PAPPA2: variants seen among roughly 807,000 people sequenced by gnomAD.
PAPPA2 encodes the protein pappalysin 2.
Under a neutral mutation model 176.4 loss-of-function variants are expected in PAPPA2, and 86 were observed. The ratio of observed to expected loss-of-function variants is 0.49; its 90% confidence interval spans 0.41 to 0.58. The LOEUF is 0.58. Among genes scored for constraint, PAPPA2 ranks in the 20% least tolerant of loss-of-function variants. The pLI, the probability that PAPPA2 is intolerant of heterozygous loss-of-function variation, is 0.00. For missense variants in PAPPA2, 2,073 were observed against 2,256.9 expected (o/e 0.92, Z 1.65); for synonymous variants, 809 against 852.2 (o/e 0.95, Z 0.88).
chr1:176,534,606 T>C (rs1341909459), intron 1 of PAPPA2, among the ~76,000 whole-genome samples: 1 of 152,242 alleles, frequency 6.6e-6, no homozygotes, highest in Non-Finnish European at 1.5e-5. Flanking sequence ...TTAGGACTGC[T>C]AACTACAAGA....
chr1:176,840,813 G>A (rs1425747055), intron 22 of PAPPA2, among the ~76,000 whole-genome samples: 1 of 152,130 alleles, frequency 6.6e-6, no homozygotes, highest in Non-Finnish European at 1.5e-5. Flanking sequence ...CTCAAGCTAA[G>A]CCTTATAAAA....
intron 21 of PAPPA2, among the ~76,000 whole-genome samples, chr1:176,817,614 G>A (rs535382449): frequency 6.6e-6 from 1 of 152,044 alleles, no homozygotes; most frequent in East Asian, 1.9e-4. Flanking sequence ...ATCATTGAAA[G>A]CTTTTCTTTT....
chr1:176,743,744 A>G (rs1275696638), intron 14 of PAPPA2, among the ~76,000 whole-genome samples: 1 of 152,218 alleles, frequency 6.6e-6, no homozygotes, highest in African/African-American at 2.4e-5. Context: ...TACAAGGTCA[A>G]GATAGAAAAG....
intron 2 of PAPPA2, among the ~76,000 whole-genome samples, chr1:176,582,200 T>A (rs1004167053): frequency 6.6e-6 from 1 of 152,186 alleles, no homozygotes; most frequent in Non-Finnish European, 1.5e-5. Flanking sequence ...GTGTTGGGAT[T>A]GCAGGCATGA....
At chr1:176,643,158 G>C (rs1021259772) in intron 3 of PAPPA2, among the ~76,000 whole-genome samples, 3 of 151,882 alleles carry the variant, frequency 2.0e-5, no homozygotes, top group African/African-American at 7.2e-5. Flanking sequence ...AACCAGGAGA[G>C]TTAATTATTA....
At chr1:176,699,927 G>C (rs1660569801) in intron 8 of PAPPA2, among the ~76,000 whole-genome samples, 2 of 152,120 alleles carry the variant, frequency 1.3e-5, no homozygotes, top group Admixed American at 6.5e-5. Flanking sequence ...CTTTGCTTTA[G>C]CTGTCTGATC....
chr1:176,545,412 G>GAAAA (rs1650577729), intron 1 of PAPPA2, among the ~76,000 whole-genome samples: 2 of 133,868 alleles, frequency 1.5e-5, no homozygotes, highest in South Asian at 2.5e-4. Context: ...ACCAACCTCA[G>GAAAA]AAAAAATAAA....
intron 14 of PAPPA2, among the ~76,000 whole-genome samples, chr1:176,754,974 A>G (rs1398864566): frequency 6.6e-6 from 1 of 152,170 alleles, no homozygotes; most frequent in Admixed American, 6.6e-5. Context: ...ACTTTTGTCT[A>G]CATCATTTAG....
chr1:176,686,721 C>A (rs1186025367), intron 4 of PAPPA2, among the ~76,000 whole-genome samples: 1 of 152,176 alleles, frequency 6.6e-6, no homozygotes, highest in East Asian at 1.9e-4. Flanking sequence ...GATTCCTTCA[C>A]ATGTGTTCAT....
At chr1:176,470,785 G>T (rs1651833889) in intron 1 of PAPPA2, among the ~76,000 whole-genome samples, 1 of 152,154 alleles carries the variant, frequency 6.6e-6, no homozygotes, top group African/African-American at 2.4e-5. Context: ...TATCAGCTTT[G>T]TCCCAGCCTT....
chr1:176,834,978 A>C (rs994636162), intron 21 of PAPPA2, among the ~76,000 whole-genome samples: 1 of 152,162 alleles, frequency 6.6e-6, no homozygotes, highest in Non-Finnish European at 1.5e-5. Context: ...TCTCAAAAAC[A>C]AAAAAAGTGA....
At chr1:176,827,653 C>A (rs1274526198) in intron 21 of PAPPA2, among the ~76,000 whole-genome samples, 1 of 152,110 alleles carries the variant, frequency 6.6e-6, no homozygotes, top group African/African-American at 2.4e-5. Context: ...GTCTTAGGTG[C>A]AGTTCAGATT....
intron 21 of PAPPA2, among the ~76,000 whole-genome samples, chr1:176,806,800 C>T (rs1218349908): frequency 6.6e-6 from 1 of 152,126 alleles, no homozygotes; most frequent in Non-Finnish European, 1.5e-5. Context: ...AACGGCAAAC[C>T]TGTTCTTGTT....
chr1:176,743,391 T>C (rs1368607734), intron 14 of PAPPA2, among the ~76,000 whole-genome samples: 1 of 152,216 alleles, frequency 6.6e-6, no homozygotes, highest in Non-Finnish European at 1.5e-5. Flanking sequence ...TTGAGCTTAT[T>C]CTACTGATCA....
chr1:176,791,245 G>A (rs552511787), intron 18 of PAPPA2, 102 bp from the exon 19 acceptor site: 4 of 699,588 alleles, frequency 5.7e-6, no homozygotes, highest in East Asian at 1.1e-4. Flanking sequence ...TTTGGTCCAG[G>A]TTCTAGAACT....
At chr1:176,638,236 TATGCACGCCATAC>T (rs1656837352) in intron 3 of PAPPA2, among the ~76,000 whole-genome samples, 1 of 151,878 alleles carries the variant, frequency 6.6e-6, no homozygotes, top group Admixed American at 6.6e-5. Context: ...AGTTTGAAAA[TATGCACGCCATAC>T]CCATTAAAGA....
At chr1:176,584,045 A>G (rs1441097134) in intron 2 of PAPPA2, among the ~76,000 whole-genome samples, 1 of 152,232 alleles carries the variant, frequency 6.6e-6, no homozygotes, top group Non-Finnish European at 1.5e-5. Context: ...CTGTCTCGAA[A>G]AAATATTGTA....
At chr1:176,533,093 C>A (rs903410448) in intron 1 of PAPPA2, among the ~76,000 whole-genome samples, 1 of 152,192 alleles carries the variant, frequency 6.6e-6, no homozygotes, top group African/African-American at 2.4e-5. Flanking sequence ...CCTGTCAAAG[C>A]TTTGGTTTTC....
At chr1:176,804,014 A>G (rs971923527) in intron 21 of PAPPA2, among the ~76,000 whole-genome samples, 8 of 152,218 alleles carry the variant, frequency 5.3e-5, no homozygotes, top group Non-Finnish European at 7.3e-5. Flanking sequence ...CTTGTGCCTC[A>G]TTAGCCTCAA....
Sources: gnomAD v4.1 joint callset for allele counts (sites outside exome capture counted in the v4.1 genomes callset) on GRCh38, gnomAD v4.1.1 for gene constraint, MANE v1.5 for transcripts, NCBI Gene and HGNC (gene_info 2026-07-23, HGNC 2026-07-21) for gene names.